ZDHHC21: variants seen among roughly 807,000 people sequenced by gnomAD.
The protein encoded by ZDHHC21 is palmitoyltransferase ZDHHC21.
In ZDHHC21, 15 loss-of-function variants were observed where a neutral mutation model predicts 34.6. The ratio of observed to expected loss-of-function variants is 0.43; its 90% CI spans 0.29 to 0.67. The LOEUF (loss-of-function observed/expected upper bound fraction) is 0.67, where lower values mean the gene tolerates loss of function less well. Ranked by LOEUF, ZDHHC21 falls within the 30% of genes least tolerant of loss-of-function variation. The probability of loss-of-function intolerance (pLI) is 0.14; values close to 1 mark genes in which losing one functional copy is unlikely to be tolerated. For synonymous variants in ZDHHC21, 142 were observed against 101.8 expected (o/e 1.40, Z -2.38); for missense variants, 344 against 327.7 (o/e 1.05, Z -0.38).
chr9:14,640,643 G>A (rs964538653), intron 7 of ZDHHC21, among the ~76,000 whole-genome samples: 6 of 152,068 alleles, frequency 3.9e-5, no homozygotes, highest in African/African-American at 1.4e-4. Flanking sequence ...TATGGTCCAT[G>A]GCCTCAAGAA....
downstream of ZDHHC21, among the ~76,000 whole-genome samples, chr9:14,607,725 CATCT>C (rs1310266040): frequency 6.6e-6 from 1 of 152,068 alleles, no homozygotes; most frequent in African/African-American, 2.4e-5. Flanking sequence ...AGTATAAAAA[CATCT>C]ATCAGTATGC....
At chr9:14,593,108 A>G in the ZDHHC21 span, among the ~76,000 whole-genome samples, 1 of 152,126 alleles carries the variant, frequency 6.6e-6, no homozygotes, top group South Asian at 2.1e-4. Flanking sequence ...AAGTAAACTC[A>G]AAGCAAGTAG....
chr9:14,616,252 T>C lies in ZDHHC21; in HGVS notation c.*2714A>G, dbSNP rs975143126. Reference sequence around the variant, plus strand: ...TTCAAAGTAACAGCTTTTCCAATTCTAAGGAATTACTCTGCCAAAATAAGG... The same window carrying C: ...TTCAAAGTAACAGCTTTTCCAATTCCAAGGAATTACTCTGCCAAAATAAGG... On this transcript the variant is annotated 3_prime_UTR_variant, in exon 10 of 10. Coordinates refer to ENST00000380916, the MANE Select transcript of ZDHHC21 (RefSeq NM_178566.6). 4.6e-5 allele frequency: 7 copies of C among 151,762 alleles called. No individual in the cohort carries two copies. Among genetic ancestry groups the C allele is most frequent in the Admixed American group, 2.0e-4 (3 of 15,174 alleles). The allele number at this position is 151,762 out of a possible 1,614,324, so 9.4% of individuals were successfully genotyped here.
At chr9:14,620,903 A>C (rs1244174736) in intron 8 of ZDHHC21, among the ~76,000 whole-genome samples, 1 of 152,056 alleles carries the variant, frequency 6.6e-6, no homozygotes, top group Non-Finnish European at 1.5e-5. Context: ...CAAGCTGTGT[A>C]ATTAATGGTA....
At chr9:14,660,091 C>A (rs540082971) in intron 6 of ZDHHC21, among the ~76,000 whole-genome samples, 1 of 151,924 alleles carries the variant, frequency 6.6e-6, no homozygotes, top group South Asian at 2.1e-4. Flanking sequence ...TCAGGCCAGG[C>A]GCGGTGACTC....
chr9:14,644,817 T>TAC (rs1254058314), intron 7 of ZDHHC21, among the ~76,000 whole-genome samples: 33 of 139,242 alleles, frequency 2.4e-4, no homozygotes, highest in African/African-American at 8.4e-4. Flanking sequence ...CATACATATG[T>TAC]ATACACACAC....
chr9:14,632,346 GGAAA>G (rs1315582090), intron 8 of ZDHHC21, among the ~76,000 whole-genome samples: 20 of 152,076 alleles, frequency 1.3e-4, no homozygotes, highest in African/African-American at 4.6e-4. Context: ...ATTCAATGGT[GGAAA>G]GAATTGTCTT....
In ZDHHC21 at chr9:14,611,195, C is replaced by T. The variant is rs1010510725; in HGVS notation, c.*7771G>A. The T allele has an allele frequency of 1.3e-5, 2 of 151,842 alleles. No homozygotes were observed. Among genetic ancestry groups the T allele is most frequent in the South Asian group, 2.1e-4 (1 of 4,820 alleles). 9.4% of individuals were successfully genotyped at this position (151,842 alleles called of 1,614,324 possible). ...ATCTGCAAAGAAAATAGAAATATTA[C>T]GTGAAAAAAACTAAATCGCTACAAT... On this transcript the variant is annotated 3_prime_UTR_variant, in exon 10 of 10. Coordinates refer to ENST00000380916, the MANE Select transcript of ZDHHC21 (RefSeq NM_178566.6).
intron 2 of ZDHHC21, among the ~76,000 whole-genome samples, chr9:14,682,807 T>C (rs1292193883): frequency 6.6e-6 from 1 of 152,108 alleles, no homozygotes; most frequent in Non-Finnish European, 1.5e-5. Flanking sequence ...TCTCAGCAAA[T>C]GTGAAAGAAC....
chr9:14,620,844 T>A (rs1010350760), intron 8 of ZDHHC21, among the ~76,000 whole-genome samples: 7 of 152,086 alleles, frequency 4.6e-5, no homozygotes, highest in African/African-American at 1.2e-4. Context: ...CAGGAATTTT[T>A]AAAAAGTTAT....
chr9:14,633,464 G>C (rs779936063), intron 8 of ZDHHC21, among the ~76,000 whole-genome samples: 7 of 152,076 alleles, frequency 4.6e-5, no homozygotes, highest in African/African-American at 1.7e-4. Flanking sequence ...ATACATGAAG[G>C]TACCGCTCCA....
chr9:14,635,162 A>G lies in ZDHHC21; in HGVS notation c.621+4734T>C, dbSNP rs4490945. 5.7e-3 allele frequency among the ~76,000 whole-genome samples: 874 copies of G among 152,318 alleles called. 13 individuals carry two copies. The highest frequency in any genetic ancestry group is 0.02 in the African/African-American group (825 of 41,582). On this transcript the variant is annotated intron_variant, in intron 8 of 9. Coordinates refer to ENST00000380916, the MANE Select transcript of ZDHHC21 (RefSeq NM_178566.6). ...AAAGAAAAAAGCATTTAAAAAAAGA[A>G]CAAAGACTACATGACATATTGAATA...
At chr9:14,598,877 TC>T in the ZDHHC21 span, among the ~76,000 whole-genome samples, 1 of 152,050 alleles carries the variant, frequency 6.6e-6, no homozygotes, top group African/African-American at 2.4e-5. Context: ...CACTCCAGTC[TC>T]CCAAGTAGCT....
Position 14,618,708 on chromosome 9 carries a change from T to A in ZDHHC21, c.*258A>T. 3.1e-6 allele frequency: 1 copy of A among 319,472 alleles called. No homozygotes were observed. The highest frequency in any genetic ancestry group is 5.6e-6 in the Non-Finnish European group (1 of 177,632). The allele number at this position is 319,472 out of a possible 1,614,324, so 19.8% of individuals were successfully genotyped here. A position where few individuals can be genotyped will look rare whatever the true frequency, so the allele number is the denominator to read the frequency against. The stretch of plus-strand genomic sequence containing the variant: ...CATCCTAATCACTGCCTTTTGAGTT[T>A]AATAACAAAAGCATTTCAAGAAATC... On this transcript the variant is annotated 3_prime_UTR_variant, in exon 10 of 10. Coordinates refer to ENST00000380916, the MANE Select transcript of ZDHHC21 (RefSeq NM_178566.6).
At chr9:14,655,169 C>A (rs1200779328) in intron 7 of ZDHHC21, among the ~76,000 whole-genome samples, 2 of 151,934 alleles carry the variant, frequency 1.3e-5, no homozygotes, top group Non-Finnish European at 2.9e-5. Context: ...ACTGACTTTA[C>A]AACAGAAATG....
At chr9:14,641,299 AT>A (rs1487403726) in intron 7 of ZDHHC21, among the ~76,000 whole-genome samples, 1 of 152,224 alleles carries the variant, frequency 6.6e-6, no homozygotes, top group Non-Finnish European at 1.5e-5. Context: ...TAGCAGGTAA[AT>A]ATTAGGCAAT....
At chr9:14,662,757 G>C (rs1266598318) in intron 5 of ZDHHC21, among the ~76,000 whole-genome samples, 2 of 152,126 alleles carry the variant, frequency 1.3e-5, no homozygotes, top group Non-Finnish European at 2.9e-5. Flanking sequence ...GGTTTCAATT[G>C]ATTAGTAAAC....
At chr9:14,685,574 G>A (rs575268664) in intron 2 of ZDHHC21, among the ~76,000 whole-genome samples, 1 of 152,344 alleles carries the variant, frequency 6.6e-6, no homozygotes, top group South Asian at 2.1e-4. Context: ...GAGAGGATAT[G>A]AAGAAACAGG....
intron 7 of ZDHHC21, among the ~76,000 whole-genome samples, chr9:14,646,629 T>C (rs1041136880): frequency 3.3e-5 from 5 of 152,090 alleles, no homozygotes; most frequent in African/African-American, 9.7e-5. Context: ...CAGACATAGC[T>C]AGCGAACTTT....
Sources: allele counts gnomAD v4.1 joint callset (sites outside exome capture counted in the v4.1 genomes callset), GRCh38; gene constraint gnomAD v4.1.1; transcripts MANE v1.5; gene names NCBI Gene and HGNC (gene_info 2026-07-23, HGNC 2026-07-21).